ABHD3: variants seen among roughly 807,000 people sequenced by gnomAD.
ABHD3 encodes abhydrolase domain containing 3, phospholipase.
In ABHD3, 46 loss-of-function variants were observed where a neutral mutation model predicts 48.8. The observed-to-expected ratio is 0.94, with a 90% confidence interval of 0.74 to 1.20. The LOEUF (loss-of-function observed/expected upper bound fraction) is 1.20. Ranked by LOEUF, ABHD3 falls within the 50% of genes most tolerant of loss-of-function variation. ABHD3 has a pLI of 0.00. For missense variants in ABHD3, 490 were observed against 497.8 expected (o/e 0.98, Z 0.15); for synonymous variants, 192 against 183.7 (o/e 1.04, Z -0.36).
intron 3 of ABHD3, among the ~76,000 whole-genome samples, chr18:21,699,535 T>G (rs769282458): frequency 6.6e-6 from 1 of 152,116 alleles, no homozygotes; most frequent in African/African-American, 2.4e-5. Flanking sequence ...GTTGCAAAAA[T>G]ATTTTGAAGC....
At chr18:21,672,798 A>G (rs571931057) in intron 4 of ABHD3, among the ~76,000 whole-genome samples, 1 of 152,346 alleles carries the variant, frequency 6.6e-6, no homozygotes, top group South Asian at 2.1e-4. Context: ...TTACTTGCAC[A>G]TAAATAAAAC....
At chr18:21,702,758 ATACT>A (rs1407962048) in intron 2 of ABHD3, among the ~76,000 whole-genome samples, 1 of 152,186 alleles carries the variant, frequency 6.6e-6, no homozygotes, top group Non-Finnish European at 1.5e-5. Context: ...AGATAAATGA[ATACT>A]TACTCATTAC....
intron 4 of ABHD3, among the ~76,000 whole-genome samples, chr18:21,680,831 GTTTC>G (rs1017375347): frequency 2.7e-5 from 4 of 148,442 alleles, no homozygotes; most frequent in Non-Finnish European, 4.5e-5. Flanking sequence ...CCTATTTGTT[GTTTC>G]TTTTTTTCTT....
At chr18:21,682,240 G>T (rs2040019580) in intron 4 of ABHD3, 1 of 152,174 alleles carries the variant, frequency 6.6e-6, no homozygotes, top group African/African-American at 2.4e-5. Context: ...ACATTCTACG[G>T]ATTACATAAA....
At position 21,684,249 on chromosome 18, in the gene ABHD3, G is replaced by A. The variant is rs138084174; in HGVS notation, c.510-284C>T. ...TTCCAACTTCTTCCTACGCACATAC[G>A]TGGGCCTCCAACAAGTGTTTTTAAA... is the stretch of plus-strand genomic sequence containing the variant. On this transcript the variant is annotated intron_variant, in intron 3 of 8. Coordinates refer to ENST00000289119, the MANE Select transcript of ABHD3 (RefSeq NM_138340.5). 4.2e-4 allele frequency among the ~76,000 whole-genome samples: 63 copies of A among 151,064 alleles called. No individual in the cohort carries two copies. The East Asian group carries it at 0.011, about 27-fold the overall frequency.
rs2040601148 is a variant in ABHD3 at position 21,704,719 on chromosome 18, G to GCGGGCGAGAC, written c.-55_-54insGTCTCGCCCG. On this transcript the variant is annotated 5_prime_UTR_variant, in exon 1 of 9. Coordinates refer to ENST00000289119, the MANE Select transcript of ABHD3 (RefSeq NM_138340.5). ...CGGCGGGAGGAGAGCCGGCTGGCGA[G>GCGGGCGAGAC]CGGGCGAGAGCGGGCGAGAGCGGAC... The GCGGGCGAGAC allele has an allele frequency of 3.1e-6, 4 of 1,286,708 alleles. No individual in the cohort carries two copies. The Admixed American group carries it at 1.3e-4, about 41-fold the overall frequency. 79.7% of individuals were successfully genotyped at this position (1,286,708 alleles called of 1,614,324 possible).
chr18:21,660,702 T>C (rs963363886), intron 5 of ABHD3, among the ~76,000 whole-genome samples: 6 of 152,120 alleles, frequency 3.9e-5, no homozygotes, highest in Non-Finnish European at 8.8e-5. Context: ...CTGGGGTGAA[T>C]ATGATGAAGT....
At chr18:21,656,772 C>T (rs2039360236) in intron 8 of ABHD3, 89 bp downstream of exon 8, 2 of 1,220,158 alleles carry the variant, frequency 1.6e-6, no homozygotes, top group Admixed American at 5.7e-5. Flanking sequence ...ATGGAAATGA[C>T]ACATTTTCTT....
rs2040566631 is a variant in ABHD3 at position 21,703,678 on chromosome 18, C to T, written c.232G>A (p.Glu78Lys). 1.2e-6 allele frequency: 2 copies of T among 1,614,090 alleles called. No individual in the cohort carries two copies. Among genetic ancestry groups the T allele is most frequent in the East Asian group, 2.2e-5 (1 of 44,874 alleles). The change falls in exon 2 of 9, where the codon GAA becomes AAA. Residue 78 changes from glutamate to lysine, a missense_variant. Coordinates refer to ENST00000289119, the MANE Select transcript of ABHD3 (RefSeq NM_138340.5). Reference protein sequence around the residue: ...FLQDHCPVVTETYYPTVWCWE... With the variant: ...FLQDHCPVVTKTYYPTVWCWE... Reference sequence around the variant, plus strand: ...CACCAGACCGTCGGGTAGTACGTTTCTGTAACCACGGGACAGTGGTCTTGA... The same window carrying T: ...CACCAGACCGTCGGGTAGTACGTTTTTGTAACCACGGGACAGTGGTCTTGA...
chr18:21,695,461 C>A (rs1337954256), intron 3 of ABHD3, among the ~76,000 whole-genome samples: 1 of 152,094 alleles, frequency 6.6e-6, no homozygotes. Flanking sequence ...TTTTTTTCTC[C>A]TTCTTGGGTG....
chr18:21,654,124 T>G (rs551665590), intron 8 of ABHD3, among the ~76,000 whole-genome samples: 4 of 152,102 alleles, frequency 2.6e-5, no homozygotes, highest in Non-Finnish European at 2.9e-5. Flanking sequence ...ACTGCTGGGA[T>G]TACAGGCGTG....
At chr18:21,700,855 C>T (rs2040493994) in intron 3 of ABHD3, among the ~76,000 whole-genome samples, 2 of 120,848 alleles carry the variant, frequency 1.7e-5, no homozygotes, top group African/African-American at 3.6e-5. Context: ...AAAAATGGAA[C>T]CAGGCTGGGA....
chr18:21,690,942 C>G (rs1021474602), intron 3 of ABHD3, among the ~76,000 whole-genome samples: 4 of 147,736 alleles, frequency 2.7e-5, no homozygotes, highest in African/African-American at 1.0e-4. Flanking sequence ...TTGCAGTGAG[C>G]CGAGATCATG....
At chr18:21,669,942 C>T (rs952908268) in intron 4 of ABHD3, among the ~76,000 whole-genome samples, 1 of 151,830 alleles carries the variant, frequency 6.6e-6, no homozygotes, top group African/African-American at 2.4e-5. Flanking sequence ...GAAGCACCCG[C>T]GGGAGAGTGG....
At chr18:21,678,174 T>A (rs2039929695) in intron 4 of ABHD3, among the ~76,000 whole-genome samples, 1 of 150,044 alleles carries the variant, frequency 6.7e-6, no homozygotes, top group Non-Finnish European at 1.5e-5. Context: ...AGACTGGTCC[T>A]GAACTCCTGG....
At chr18:21,695,612 T>A (rs117710634) in intron 3 of ABHD3, among the ~76,000 whole-genome samples, 4 of 149,790 alleles carry the variant, frequency 2.7e-5, no homozygotes, top group Non-Finnish European at 5.9e-5. Flanking sequence ...TTTAATGGCA[T>A]TAAATTTGCC....
At chr18:21,703,789 T>C (rs1304880388) in intron 1 of ABHD3, 42 bp from the exon 2 acceptor site, 1 of 1,587,064 alleles carries the variant, frequency 6.3e-7, no homozygotes, top group Admixed American at 1.7e-5. Context: ...CAGAGCAAAG[T>C]TTCTGCCAAC....
rs1300660173 is a variant in ABHD3, at chr18:21,699,654, A to G, written c.509+2662T>C. ...GGGAGTTCTCAGCCTGGGCCTCAAG[A>G]GGCCCTGCAGCTTCTGCTTTTGTAA... is the stretch of plus-strand genomic sequence containing the variant. On this transcript the variant is annotated intron_variant, in intron 3 of 8. Transcript: ENST00000289119. 2.6e-5 allele frequency among the ~76,000 whole-genome samples: 4 copies of G among 152,062 alleles called. No homozygotes were observed. The East Asian group carries it at 7.7e-4, about 29-fold the overall frequency.
chr18:21,698,329 G>A (rs2040432881), intron 3 of ABHD3, among the ~76,000 whole-genome samples: 1 of 151,902 alleles, frequency 6.6e-6, no homozygotes, highest in Admixed American at 6.6e-5. Flanking sequence ...GGGATTACAG[G>A]CACCCGCCAC....
Sources: allele counts gnomAD v4.1 joint callset (sites outside exome capture counted in the v4.1 genomes callset), GRCh38; gene constraint gnomAD v4.1.1; transcripts MANE v1.5; gene names NCBI Gene and HGNC (gene_info 2026-07-23, HGNC 2026-07-21).